Variants in SUMF1 observed in about 807,000 individuals in gnomAD.
The protein encoded by SUMF1 is sulfatase modifying factor 1.
In SUMF1, 48 loss-of-function variants were observed where a neutral mutation model predicts 47.6. The observed-to-expected ratio is 1.01, with a 90% CI of 0.80 to 1.28. SUMF1 has a LOEUF of 1.28. SUMF1 is among the 50% of genes most tolerant of loss of function. The pLI is 0.00. For synonymous variants in SUMF1, 230 were observed against 192.1 expected, an observed-to-expected ratio of 1.20 and a Z score of -1.63; for missense variants, 571 against 485.4, an observed-to-expected ratio of 1.18 and a Z score of -1.66.
At chr3:4,144,037 C>T (rs887345680) in intron 8 of SUMF1, among the ~76,000 whole-genome samples, 5 of 144,718 alleles carry the variant, frequency 3.5e-5, no homozygotes, top group Admixed American at 7.2e-5. Flanking sequence ...GTCACCCATG[C>T]TGGAGTGTAG....
intron 8 of SUMF1, among the ~76,000 whole-genome samples, chr3:4,178,093 G>A (rs996882828): frequency 6.6e-6 from 1 of 152,128 alleles, no homozygotes; most frequent in Non-Finnish European, 1.5e-5. Context: ...CAGATTCACA[G>A]TGTAATTCTA....
At chr3:4,343,239 G>A (rs1006092380) in intron 8 of SUMF1, among the ~76,000 whole-genome samples, 22 of 152,170 alleles carry the variant, frequency 1.4e-4, no homozygotes, top group Admixed American at 1.0e-3. Context: ...TAACTTTCAC[G>A]AGTAAGTGAG....
rs6763595 is a variant in SUMF1 at position 4,218,982 on chromosome 3, A to G, written c.1015-150237T>C. 3.1e-3 allele frequency among the ~76,000 whole-genome samples: 476 copies of G among 152,224 alleles called. 4 individuals are homozygous for G. The highest frequency in any genetic ancestry group is 0.011 in the African/African-American group (444 of 41,544). On this transcript the variant is annotated intron_variant and NMD_transcript_variant, in intron 8 of 12. Coordinates refer to the SUMF1 transcript ENST00000448413. ...GTAGGCAGCTCAACAGCAGATCTCCAAGCTACCCAAATCCACTGGGTAATC... is the reference window on the plus strand; with the variant it reads ...GTAGGCAGCTCAACAGCAGATCTCCGAGCTACCCAAATCCACTGGGTAATC...
intron 9 of SUMF1, among the ~76,000 whole-genome samples, chr3:4,064,910 C>T (rs1289903386): frequency 6.6e-6 from 1 of 152,092 alleles, no homozygotes; most frequent in African/African-American, 2.4e-5. Flanking sequence ...GCATGGGACA[C>T]AGCAAAAAGT....
At chr3:4,399,183 C>T (rs1372374393) in intron 7 of SUMF1, among the ~76,000 whole-genome samples, 2 of 152,162 alleles carry the variant, frequency 1.3e-5, no homozygotes, top group Non-Finnish European at 2.9e-5. Flanking sequence ...AGCTTTAAGA[C>T]ATTGACTTTA....
At position 4,280,109 on chromosome 3, in the gene SUMF1, T is replaced by C. The variant is rs147398108; in HGVS notation, c.1014+96221A>G. 5.3e-3 allele frequency among the ~76,000 whole-genome samples: 804 copies of C among 152,242 alleles called. 6 individuals carry two copies. The highest frequency in any genetic ancestry group is 0.018 in the African/African-American group (728 of 41,556). ...GTGTTCTTACCACACACAAAAAAGA[T>C]GTTATGTGAGGTAGTACAGATGTTA... On this transcript the variant is annotated intron_variant and NMD_transcript_variant, in intron 8 of 12. Transcript: ENST00000448413.
intron 8 of SUMF1, among the ~76,000 whole-genome samples, chr3:4,350,499 A>G (rs2125153821): frequency 6.6e-6 from 1 of 152,272 alleles, no homozygotes; most frequent in East Asian, 1.9e-4. Flanking sequence ...ACCTATTGGC[A>G]TGGATATGGG....
chr3:4,339,176 C>T (rs557321463), intron 8 of SUMF1, among the ~76,000 whole-genome samples: 1 of 152,306 alleles, frequency 6.6e-6, no homozygotes, highest in Non-Finnish European at 1.5e-5. Context: ...TTCACTCATG[C>T]TGCTTTCCTC....
At chr3:4,364,809 G>A (rs1490439596) in intron 8 of SUMF1, among the ~76,000 whole-genome samples, 3 of 151,776 alleles carry the variant, frequency 2.0e-5, no homozygotes, top group African/African-American at 7.3e-5. Context: ...TCTTTTAATT[G>A]TGATGTTAGG....
At chr3:4,210,787 G>C (rs928867367) in intron 8 of SUMF1, among the ~76,000 whole-genome samples, 2 of 151,988 alleles carry the variant, frequency 1.3e-5, no homozygotes, top group Admixed American at 6.6e-5. Context: ...GTGTGTCTGT[G>C]AGGGTGTTCC....
chr3:4,036,891 A>T (rs1052349944), intron 9 of SUMF1, among the ~76,000 whole-genome samples: 3 of 150,898 alleles, frequency 2.0e-5, no homozygotes, highest in African/African-American at 7.3e-5. Flanking sequence ...TGGTGAAATC[A>T]CAAGGAGAAT....
At chr3:4,296,933 TGA>T in intron 8 of SUMF1, among the ~76,000 whole-genome samples, 2 of 152,310 alleles carry the variant, frequency 1.3e-5, no homozygotes, top group South Asian at 4.1e-4. Flanking sequence ...AAAAAGAGAC[TGA>T]AACCAGAAAT....
chr3:4,148,544 C>A (rs1455937907), intron 8 of SUMF1, among the ~76,000 whole-genome samples: 1 of 152,110 alleles, frequency 6.6e-6, no homozygotes, highest in African/African-American at 2.4e-5. Flanking sequence ...AGGGCTAGTG[C>A]AGAAATGAGC....
intron 8 of SUMF1, among the ~76,000 whole-genome samples, chr3:4,310,437 G>A (rs1359699554): frequency 6.6e-6 from 1 of 152,106 alleles, no homozygotes; most frequent in African/African-American, 2.4e-5. Flanking sequence ...AGGAGAAATG[G>A]AAACATGAAG....
At chr3:4,335,968 A>AAAAAAAAAAAAAAAAAAAAAAAG (rs1699142038) in intron 8 of SUMF1, among the ~76,000 whole-genome samples, 1 of 146,926 alleles carries the variant, frequency 6.8e-6, no homozygotes, top group Non-Finnish European at 1.5e-5. Context: ...CTCAAAAAAA[A>AAAAAAAAAAAAAAAAAAAAAAAG]AAAAAAAAAA....
chr3:4,067,296 AG>A (rs1203103761), intron 9 of SUMF1, among the ~76,000 whole-genome samples: 1 of 152,178 alleles, frequency 6.6e-6, no homozygotes, highest in East Asian at 1.9e-4. Flanking sequence ...TCTGGCTATA[AG>A]GGATGACACT....
intron 8 of SUMF1, among the ~76,000 whole-genome samples, chr3:4,084,520 G>GA (rs1213900718): frequency 6.6e-6 from 1 of 152,068 alleles, no homozygotes; most frequent in Non-Finnish European, 1.5e-5. Flanking sequence ...GATACCTGAA[G>GA]AAAATTACTT....
At chr3:4,353,009 A>G (rs1699537292) in intron 8 of SUMF1, among the ~76,000 whole-genome samples, 1 of 152,196 alleles carries the variant, frequency 6.6e-6, no homozygotes, top group Non-Finnish European at 1.5e-5. Context: ...AACAGCTCTC[A>G]GGTTTTTTGG....
At chr3:4,055,066 G>C (rs79661965) in intron 9 of SUMF1, among the ~76,000 whole-genome samples, 2,453 of 152,232 alleles carry the variant, frequency 0.016, 63 homozygotes, top group African/African-American at 0.057. Context: ...TTCTCACTGC[G>C]TGTTGTTGAA....
Sources: allele counts gnomAD v4.1 joint callset (sites outside exome capture counted in the v4.1 genomes callset), GRCh38; gene constraint gnomAD v4.1.1; transcripts MANE v1.5; gene names NCBI Gene and HGNC (gene_info 2026-07-23, HGNC 2026-07-21).